Variants in BEND2 observed in about 807,000 individuals in gnomAD.
BEND2 encodes the protein BEN domain-containing protein 2.
A neutral mutation model predicts 43.8 loss-of-function variants in BEND2; 19 were observed. The ratio of observed to expected loss-of-function variants is 0.43; its 90% CI spans 0.30 to 0.64. The LOEUF is 0.64. Among genes scored for constraint, BEND2 ranks in the 30% least tolerant of loss-of-function variants. The probability of loss-of-function intolerance (pLI) is 0.11; values close to 1 mark genes in which losing one functional copy is unlikely to be tolerated. For synonymous variants in BEND2, 226 were observed against 210.1 expected (o/e 1.08, Z -0.66); for missense variants, 544 against 574.0 (o/e 0.95, Z 0.53).
Position 18,172,195 on chromosome X carries a change from G to A in BEND2, c.1982-991C>T, listed in dbSNP as rs544352101. On this transcript the variant is annotated intron_variant, in intron 12 of 13. Transcript: ENST00000380033. Reference sequence around the variant, plus strand: ...AACTTAGAACATCCATCATTTAATGGGTGGCAATAAAAACTGTTGAATCAT... The same window carrying A: ...AACTTAGAACATCCATCATTTAATGAGTGGCAATAAAAACTGTTGAATCAT... Among the ~76,000 whole-genome samples the A allele has an allele frequency of 8.1e-5, 9 of 110,435 alleles. No homozygotes were observed. The South Asian group carries it at 3.5e-3, about 43-fold the overall frequency.
intron 4 of BEND2, among the ~76,000 whole-genome samples, chrX:18,207,558 C>T (rs1925374805): frequency 1.8e-5 from 2 of 111,678 alleles, no homozygotes; most frequent in East Asian, 5.6e-4. Context: ...GGCTTAACTA[C>T]ATTTGATCAG....
At chrX:18,208,421 G>C (rs1032398454) in intron 4 of BEND2, among the ~76,000 whole-genome samples, 4 of 110,807 alleles carry the variant, frequency 3.6e-5, no homozygotes, top group Non-Finnish European at 7.5e-5. Context: ...AGGAGTAGGA[G>C]GTTGCAGTGA....
At chrX:18,198,314 G>T (rs1487039053) in intron 6 of BEND2, among the ~76,000 whole-genome samples, 1 of 109,797 alleles carries the variant, frequency 9.1e-6, no homozygotes, top group East Asian at 2.9e-4. Context: ...CTGACAAAGG[G>T]CTAATATCCA....
intron 9 of BEND2, among the ~76,000 whole-genome samples, chrX:18,178,602 T>C (rs1375753876): frequency 8.9e-6 from 1 of 111,774 alleles, no homozygotes; most frequent in Non-Finnish European, 1.9e-5. Context: ...ATTTCTCTGT[T>C]TTCATCTTTT....
At chrX:18,172,732 C>T (rs1336049111) in intron 12 of BEND2, among the ~76,000 whole-genome samples, 1 of 110,175 alleles carries the variant, frequency 9.1e-6, no homozygotes, top group African/African-American at 3.3e-5. Flanking sequence ...GGTTTTTTTG[C>T]AGACTGATTT....
intron 13 of BEND2, among the ~76,000 whole-genome samples, 200 bp from the exon 14 acceptor site, chrX:18,165,423 G>GCTTA (rs1001790059): frequency 3.1e-4 from 35 of 112,121 alleles, no homozygotes; most frequent in African/African-American, 1.1e-3. Context: ...ACAGCACCAT[G>GCTTA]CTTAAATCAC....
intron 8 of BEND2, among the ~76,000 whole-genome samples, chrX:18,181,550 A>G (rs1359925686): frequency 8.9e-6 from 1 of 112,081 alleles, no homozygotes; most frequent in East Asian, 2.8e-4. Context: ...TCTCTAAATC[A>G]TATGGAATGA....
At chrX:18,191,659 G>A (rs1373611701) in intron 7 of BEND2, among the ~76,000 whole-genome samples, 3 of 109,389 alleles carry the variant, frequency 2.7e-5, no homozygotes, top group East Asian at 5.8e-4. Context: ...AACAAACCAC[G>A]GTACATCTAC....
At chrX:18,218,061 C>A (rs984915135) in intron 1 of BEND2, among the ~76,000 whole-genome samples, 1 of 109,751 alleles carries the variant, frequency 9.1e-6, no homozygotes, top group Non-Finnish European at 1.9e-5. Flanking sequence ...CAGGATCCCG[C>A]CACTGCACTC....
intron 9 of BEND2, among the ~76,000 whole-genome samples, chrX:18,179,187 T>G (rs1924288486): frequency 1.0e-5 from 1 of 96,214 alleles, no homozygotes; most frequent in Non-Finnish European, 2.1e-5. Context: ...CTGTTTTTTT[T>G]TTTTTTTTTT....
chrX:18,192,450 A>G (rs1240754508), intron 7 of BEND2, among the ~76,000 whole-genome samples: 1 of 111,973 alleles, frequency 8.9e-6, no homozygotes, highest in African/African-American at 3.2e-5. Flanking sequence ...ATGAAAGAAG[A>G]AGAAATATGC....
At chrX:18,220,663 T>A (rs1322488722) in intron 1 of BEND2, 63 bp downstream of exon 1, 1 of 1,198,832 alleles carries the variant, frequency 8.3e-7, no homozygotes, top group Admixed American at 2.2e-5. Flanking sequence ...GTGGGTGCCA[T>A]CCAGACTCTT....
chrX:18,202,923 T>G (rs759206498), intron 5 of BEND2, among the ~76,000 whole-genome samples: 2 of 111,574 alleles, frequency 1.8e-5, no homozygotes, highest in Non-Finnish European at 3.8e-5. Flanking sequence ...ATGGCACACC[T>G]ATACCATGGA....
At chrX:18,181,706 A>G (rs780916277) in intron 8 of BEND2, among the ~76,000 whole-genome samples, 2 of 112,036 alleles carry the variant, frequency 1.8e-5, no homozygotes, top group African/African-American at 6.5e-5. Context: ...GATAAGTCAC[A>G]TACGTATACA....
chrX:18,190,368 G>T lies in BEND2; in HGVS notation c.1288+633C>A, dbSNP rs993388770. Among the ~76,000 whole-genome samples the T allele has an allele frequency of 7.2e-5, 8 of 111,583 alleles. No homozygotes were observed. The South Asian group carries it at 3.0e-3, about 42-fold the overall frequency. On this transcript the variant is annotated intron_variant, in intron 8 of 13. Transcript: ENST00000380033. ...ACAAACCATGATAAATCCATACCAT[G>T]AAATAGTACTCAGCAATAAACAGGA...
chrX:18,171,364 CAG>C (rs1431364115), intron 12 of BEND2, among the ~76,000 whole-genome samples, 160 bp from the exon 13 acceptor site: 4 of 112,154 alleles, frequency 3.6e-5, no homozygotes, highest in Non-Finnish European at 7.5e-5. Flanking sequence ...ATTTTAAAGA[CAG>C]AGTCTTGCTT....
At chrX:18,180,682 T>G in intron 8 of BEND2, 32 bp from the exon 9 acceptor site, 1 of 1,096,935 alleles carries the variant, frequency 9.1e-7, no homozygotes, top group Non-Finnish European at 1.3e-6. Context: ...CTGACAATTC[T>G]ATATCCAGCA....
intron 6 of BEND2, among the ~76,000 whole-genome samples, chrX:18,196,300 TG>T (rs1447581433): frequency 2.0e-5 from 2 of 101,020 alleles, no homozygotes; most frequent in African/African-American, 7.4e-5. Flanking sequence ...CTGTCTCAAT[TG>T]AAAAAAAAAA....
intron 6 of BEND2, among the ~76,000 whole-genome samples, chrX:18,199,147 A>G (rs1427992461): frequency 9.3e-6 from 1 of 107,947 alleles, no homozygotes; most frequent in Non-Finnish European, 1.9e-5. Flanking sequence ...GCACATGTAT[A>G]CATATGTAAC....
Sources: allele counts gnomAD v4.1 joint callset (sites outside exome capture counted in the v4.1 genomes callset), GRCh38; gene constraint gnomAD v4.1.1; transcripts MANE v1.5; gene names NCBI Gene and HGNC (gene_info 2026-07-23, HGNC 2026-07-21).